The following IPO9 variants were observed in gnomAD, a reference collection of about 807,000 sequenced individuals.
IPO9 encodes importin 9, also known as importin-9.
A neutral mutation model predicts 128.6 loss-of-function variants in IPO9; 28 were observed. That is an observed-to-expected ratio of 0.22 (90% confidence interval 0.16 to 0.30). The LOEUF is 0.30. IPO9 is among the 10% of genes least tolerant of loss of function. The pLI, the probability that IPO9 is intolerant of heterozygous loss-of-function variation, is 1.00. For missense variants in IPO9, 935 were observed against 1,293.9 expected (o/e 0.72, Z 4.26); for synonymous variants, 455 against 475.8 (o/e 0.96, Z 0.57).
At position 201,870,602 on chromosome 1, in the gene IPO9, G is replaced by A; in HGVS notation, c.2153G>A (p.Arg718Gln). 6.2e-7 allele frequency: 1 copy of A among 1,613,830 alleles called. No homozygotes were observed. Among genetic ancestry groups the A allele is most frequent in the Non-Finnish European group, 8.5e-7 (1 of 1,179,772 alleles). ...CCCCAGAATGGCGGAGAGTGCTTGC[G>A]GGCCTATGTGTCAGTGACCCTGGAA... ...ATMQNGGECLRAYVSVTLEQV... is the reference protein window; with the variant it reads ...ATMQNGGECLQAYVSVTLEQV... The change falls in exon 18 of 24, where the codon CGG becomes CAG. Residue 718 changes from arginine (R) to glutamine (Q), a missense_variant. This residue lies in a region of IPO9 where 741 missense variants were observed against 1,019.1 expected (regional missense o/e 0.73). Coordinates refer to ENST00000361565, the MANE Select transcript of IPO9 (RefSeq NM_018085.5). The surrounding 1 kb of genome is among the most constrained non-coding windows in gnomAD (Gnocchi z 4.9).
intron 1 of IPO9, among the ~76,000 whole-genome samples, chr1:201,843,644 A>C (rs990621760): frequency 6.6e-6 from 1 of 152,218 alleles, no homozygotes; most frequent in African/African-American, 2.4e-5. Flanking sequence ...CCTGGCCAAC[A>C]TGGCAAAACC....
rs769154545 is a variant in IPO9 at position 201,874,309 on chromosome 1, G to A, written c.2770G>A (p.Glu924Lys). Residue 924 changes from glutamate to lysine, a missense_variant, in exon 21 of 24, where the codon GAG becomes AAG. Physicochemically the swap from Glu to Lys is moderately conservative, Grantham distance 56 (BLOSUM62 1). Transcript: ENST00000361565. Reference sequence around the variant, plus strand: ...CAAGATCCTAAAGCTGATCATCAACGAGCTCTCCAACGTCATGGAGGCTAA... The same window carrying A: ...CAAGATCCTAAAGCTGATCATCAACAAGCTCTCCAACGTCATGGAGGCTAA... ...LVKILKLIIN[E>K]LSNVMEANAA... The A allele has an allele frequency of 1.2e-6, 2 of 1,613,988 alleles. No individual in the cohort carries two copies. Among genetic ancestry groups the A allele is most frequent in the Admixed American group, 1.7e-5 (1 of 60,006 alleles).
intron 4 of IPO9, among the ~76,000 whole-genome samples, chr1:201,850,029 A>G (rs538556850): frequency 6.6e-6 from 1 of 152,344 alleles, no homozygotes; most frequent in East Asian, 1.9e-4. Context: ...GTCTTCCAAG[A>G]TGAAATTCAG....
chr1:201,834,350 C>T (rs1023205208), intron 1 of IPO9, among the ~76,000 whole-genome samples: 4 of 151,940 alleles, frequency 2.6e-5, no homozygotes, highest in Non-Finnish European at 5.9e-5. Context: ...AGATCTCTTA[C>T]GTCAAAGTCT....
chr1:201,854,446 C>A, intron 6 of IPO9, 149 bp from the exon 7 acceptor site: 1 of 923,358 alleles, frequency 1.1e-6, no homozygotes, highest in Non-Finnish European at 1.6e-6. Flanking sequence ...TAGGTAACAC[C>A]TTCATTGACT....
chr1:201,858,949 C>G lies in IPO9; in HGVS notation c.1423C>G (p.His475Asp). The G allele has an allele frequency of 6.2e-7, 1 of 1,612,712 alleles. No homozygotes were observed. The highest frequency in any genetic ancestry group is 8.5e-7 in the Non-Finnish European group (1 of 1,178,982). The change falls in exon 13 of 24, where the codon CAT (histidine) becomes GAT (aspartate). Residue 475 changes from histidine to aspartate, a missense_variant. His to Asp is a moderately conservative substitution (Grantham distance 81, BLOSUM62 -1). This residue lies in a region of IPO9 where 741 missense variants were observed against 1,019.1 expected (regional missense o/e 0.73). Coordinates refer to ENST00000361565, the MANE Select transcript of IPO9 (RefSeq NM_018085.5). ...VKNGRIHFDMHGFLTNVILAD... is the reference protein window; with the variant it reads ...VKNGRIHFDMDGFLTNVILAD... ...AAATGGCAGGATTCATTTTGACATG[C>G]ATGGGTTCCTGACCAATGTCATCCT...
At chr1:201,845,255 A>C (rs527573867) in intron 1 of IPO9, among the ~76,000 whole-genome samples, 2 of 152,270 alleles carry the variant, frequency 1.3e-5, no homozygotes, top group African/African-American at 4.8e-5. Flanking sequence ...ACCTCAGGTG[A>C]TCCGCCCACT....
At chr1:201,829,475 G>T in intron 1 of IPO9, 103 bp downstream of exon 1, 4 of 1,228,996 alleles carry the variant, frequency 3.3e-6, no homozygotes, top group Non-Finnish European at 4.3e-6. Context: ...AGTTGGAGAT[G>T]TGGGCGCCGA....
In IPO9 at chr1:201,874,330, G is replaced by A. The variant is rs750518500; in HGVS notation, c.2791G>A (p.Ala931Thr). ...IINELSNVME[A>T]NAARQATPAE... ...CAACGAGCTCTCCAACGTCATGGAG[G>A]CTAATGCCGCTCGCCAGGCCACTCC... is the stretch of plus-strand genomic sequence containing the variant. Residue 931 changes from alanine (A) to threonine (T), a missense_variant, in exon 21 of 24, where the codon GCT (alanine) becomes ACT (threonine). Physicochemically the swap from Ala to Thr is moderately conservative, Grantham distance 58. This residue lies in a region of IPO9 where 188 missense variants were observed against 246.7 expected (regional missense o/e 0.76). Transcript: ENST00000361565. The A allele has an allele frequency of 1.9e-6, 3 of 1,614,032 alleles. No individual in the cohort carries two copies. Among genetic ancestry groups the A allele is most frequent in the Non-Finnish European group, 2.5e-6 (3 of 1,179,936 alleles).
At chr1:201,875,024 G>A in intron 22 of IPO9, 88 bp downstream of exon 22, 1 of 1,348,372 alleles carries the variant, frequency 7.4e-7, no homozygotes, top group Non-Finnish European at 1.1e-6. Flanking sequence ...AAAGGGGAGA[G>A]GTGGGCCCAC....
At position 201,874,901 on chromosome 1, in the gene IPO9, A is replaced by G; in HGVS notation, c.2903A>G (p.Gln968Arg). 6.2e-7 allele frequency: 1 copy of G among 1,613,652 alleles called. No individual in the cohort carries two copies. Among genetic ancestry groups the G allele is most frequent in the Non-Finnish European group, 8.5e-7 (1 of 1,179,528 alleles). ...GAGGAGGAGGATGGTTTAGCTGGCCAACTTTTATCTGACATTCTTGCTACA... is the reference window on the plus strand; with the variant it reads ...GAGGAGGAGGATGGTTTAGCTGGCCGACTTTTATCTGACATTCTTGCTACA... Reference protein sequence around the residue: ...EEEEEDGLAGQLLSDILATSK... With the variant: ...EEEEEDGLAGRLLSDILATSK... The change falls in exon 22 of 24, where the codon CAA (glutamine) becomes CGA (arginine). Residue 968 changes from glutamine (Q) to arginine (R), a missense_variant. Coordinates refer to ENST00000361565, the MANE Select transcript of IPO9 (RefSeq NM_018085.5).
At chr1:201,857,760 G>A (rs1049059095) in intron 11 of IPO9, among the ~76,000 whole-genome samples, 2 of 143,752 alleles carry the variant, frequency 1.4e-5, no homozygotes, top group Admixed American at 7.2e-5. Context: ...ACACCATTGC[G>A]CTCCAGCCTG....
chr1:201,854,978 G>A (rs1304177860), intron 8 of IPO9, 55 bp downstream of exon 8: 9 of 1,456,508 alleles, frequency 6.2e-6, no homozygotes, highest in East Asian at 2.3e-5. Flanking sequence ...TAGGAATCTC[G>A]CACTGGGTTT....
chr1:201,875,013 G>GA (rs1377894961), intron 22 of IPO9, 77 bp downstream of exon 22: 17 of 1,369,624 alleles, frequency 1.2e-5, no homozygotes, highest in Non-Finnish European at 1.7e-5. Context: ...GGGTACCCAA[G>GA]AAAGGGGAGA....
intron 17 of IPO9, 110 bp downstream of exon 17, chr1:201,869,828 A>G (rs1211072651): frequency 1.6e-5 from 21 of 1,316,404 alleles, no homozygotes; most frequent in Non-Finnish European, 2.1e-5. Flanking sequence ...GGAATTCTCA[A>G]CTCCATATTT....
intron 12 of IPO9, 69 bp downstream of exon 12, chr1:201,858,622 G>T: frequency 1.0e-6 from 1 of 978,474 alleles, no homozygotes; most frequent in Non-Finnish European, 1.5e-6. Context: ...TGAAAGGATG[G>T]ATTTATTTTT....
Position 201,878,723 on chromosome 1 carries a change from G to A in IPO9, c.*2669G>A, listed in dbSNP as rs779924570. ...TTATCCCATTTAACCTTTATAACAGGTTCACAGAGTGGATATTCCCATTCT... is the reference window on the plus strand; with the variant it reads ...TTATCCCATTTAACCTTTATAACAGATTCACAGAGTGGATATTCCCATTCT... On this transcript the variant is annotated 3_prime_UTR_variant, in exon 24 of 24. Transcript: ENST00000361565. 6.6e-6 allele frequency: 1 copy of A among 152,178 alleles called. No individual in the cohort carries two copies. Among genetic ancestry groups the A allele is most frequent in the Non-Finnish European group, 1.5e-5 (1 of 68,048 alleles). 9.4% of individuals were successfully genotyped at this position (152,178 alleles called of 1,614,324 possible). A position where few individuals can be genotyped will look rare whatever the true frequency, so the allele number is the denominator to read the frequency against.
chr1:201,867,081 G>A (rs1056711103), intron 15 of IPO9, 122 bp downstream of exon 15: 1 of 792,596 alleles, frequency 1.3e-6, no homozygotes, highest in African/African-American at 1.7e-5. Flanking sequence ...AACATCGTAA[G>A]CAAAGAATCT....
rs1680884564 is a variant in IPO9, at chr1:201,881,597, TGGG to T, written c.*5547_*5549del. On this transcript the variant is annotated 3_prime_UTR_variant, in exon 24 of 24. Coordinates refer to ENST00000361565, the MANE Select transcript of IPO9 (RefSeq NM_018085.5). ...CCAGAAATAAAGCTGGAAGGACAAG[TGGG>T]GGGCAGATTGTGAAGGATCCTTCAA... is the stretch of plus-strand genomic sequence containing the variant. 1 of 152,158 alleles carries T rather than the reference TGGG, an allele frequency of 6.6e-6. No homozygotes were observed. Among genetic ancestry groups the T allele is most frequent in the Admixed American group, 6.5e-5 (1 of 15,284 alleles). The allele number at this position is 152,158 out of a possible 1,614,324, so 9.4% of individuals were successfully genotyped here.
Sources: gnomAD v4.1 joint callset for allele counts (sites outside exome capture counted in the v4.1 genomes callset) on GRCh38, gnomAD v4.1.1 for gene constraint, gnomAD v4.1.1 regional missense constraint, Gnocchi (gnomAD v3.1) non-coding constraint, MANE v1.5 for transcripts, NCBI Gene and HGNC (gene_info 2026-07-23, HGNC 2026-07-21) for gene names.